Variants in SNX6 observed in about 807,000 individuals in gnomAD.
The protein encoded by SNX6 is sorting nexin 6, also known as sorting nexin-6.
SNX6 carries 34 observed loss-of-function variants against 63.0 expected under a neutral mutation model. That is an observed-to-expected ratio of 0.54 (90% CI 0.41 to 0.72). The LOEUF is 0.72. Among genes scored for constraint, SNX6 ranks in the 30% least tolerant of loss-of-function variants. SNX6 has a pLI of 0.00. For synonymous variants in SNX6, 170 were observed against 164.2 expected (o/e 1.04, Z -0.27); for missense variants, 398 against 471.4 (o/e 0.84, Z 1.44).
chr14:34,606,109 G>T, intron 4 of SNX6, among the ~76,000 whole-genome samples: 1 of 151,764 alleles, frequency 6.6e-6, no homozygotes, highest in African/African-American at 2.4e-5. Flanking sequence ...GGGAGTCGGA[G>T]GTTGCAGTGA....
At chr14:34,625,705 C>T (rs918616685) in intron 2 of SNX6, among the ~76,000 whole-genome samples, 3 of 151,786 alleles carry the variant, frequency 2.0e-5, no homozygotes, top group Non-Finnish European at 4.4e-5. Context: ...TGCACCCCAG[C>T]GTGGGCAACA....
chr14:34,617,231 C>T (rs61488898), intron 2 of SNX6, among the ~76,000 whole-genome samples: 11,288 of 151,994 alleles, frequency 0.074, 888 homozygotes, highest in African/African-American at 0.2. Context: ...ACATGTGTGT[C>T]GCTGGTCAAG....
chr14:34,627,639 G>A (rs147136432), intron 2 of SNX6, among the ~76,000 whole-genome samples: 3,144 of 152,078 alleles, frequency 0.021, 104 homozygotes, highest in African/African-American at 0.068. Context: ...ACAGGCATGC[G>A]CCACCATGCC....
intron 2 of SNX6, among the ~76,000 whole-genome samples, chr14:34,623,778 G>A (rs1594753124): frequency 6.6e-6 from 1 of 152,284 alleles, no homozygotes; most frequent in African/African-American, 2.4e-5. Flanking sequence ...GTAGGAGCAA[G>A]GCTACGAGTA....
rs1417222312 is a variant in SNX6 at position 34,608,014 on chromosome 14, G to A, written c.270+16C>T. ...CCTCCTAGAAAATGGAATTAAAATG[G>A]AGTCTCAATACTTACGATATAACCT... On this transcript the variant is annotated intron_variant, in intron 4 of 13. Transcript: ENST00000362031. 1 of 1,276,332 alleles carries A rather than the reference G, an allele frequency of 7.8e-7. No individual in the cohort carries two copies. Among genetic ancestry groups the A allele is most frequent in the Admixed American group, 2.2e-5 (1 of 46,334 alleles). 79.1% of individuals were successfully genotyped at this position (1,276,332 alleles called of 1,614,324 possible).
At chr14:34,605,104 C>A (rs766852487) in intron 5 of SNX6, among the ~76,000 whole-genome samples, 2 of 151,996 alleles carry the variant, frequency 1.3e-5, no homozygotes, top group Admixed American at 1.3e-4. Context: ...TACATACATA[C>A]GCAGTTTTTA....
At chr14:34,582,826 A>T (rs1881996787) in intron 9 of SNX6, among the ~76,000 whole-genome samples, 1 of 149,536 alleles carries the variant, frequency 6.7e-6, no homozygotes, top group Non-Finnish European at 1.5e-5. Context: ...TACAGGCATG[A>T]GTCACTGTGC....
chr14:34,616,121 A>C (rs567132225), intron 2 of SNX6, among the ~76,000 whole-genome samples: 59 of 151,930 alleles, frequency 3.9e-4, no homozygotes, highest in Non-Finnish European at 6.8e-4. Flanking sequence ...ACACCCAGCT[A>C]ATTTTTGTAT....
chr14:34,621,212 G>T (rs1883609755), intron 2 of SNX6, among the ~76,000 whole-genome samples: 1 of 152,064 alleles, frequency 6.6e-6, no homozygotes, highest in African/African-American at 2.4e-5. Context: ...CTCTCAGAGT[G>T]CTAGGATTAT....
intron 13 of SNX6, among the ~76,000 whole-genome samples, chr14:34,564,556 G>A (rs564591675): frequency 1.4e-4 from 21 of 152,116 alleles, no homozygotes; most frequent in Admixed American, 4.6e-4. Flanking sequence ...GGCCAGGCGC[G>A]GTGGTTCACG....
intron 2 of SNX6, among the ~76,000 whole-genome samples, chr14:34,615,586 A>C (rs1883387648): frequency 3.9e-5 from 6 of 152,168 alleles, no homozygotes; most frequent in Admixed American, 3.9e-4. Flanking sequence ...AAGAGCTATT[A>C]ACTCAATCTA....
At chr14:34,565,319 T>C (rs1012484130) in intron 13 of SNX6, among the ~76,000 whole-genome samples, 8 of 151,850 alleles carry the variant, frequency 5.3e-5, no homozygotes, top group East Asian at 1.9e-4. Flanking sequence ...CCTCGTGATC[T>C]GCCCGCCTTG....
chr14:34,626,409 C>T (rs1030257653), intron 2 of SNX6, among the ~76,000 whole-genome samples: 2 of 151,592 alleles, frequency 1.3e-5, no homozygotes, highest in African/African-American at 4.9e-5. Context: ...AATTCCAGCA[C>T]TTTGGGAGGC....
chr14:34,604,066 A>AC, intron 5 of SNX6: 1 of 1,122,426 alleles, frequency 8.9e-7, no homozygotes, highest in African/African-American at 1.6e-5. Context: ...AAAAAAAAAA[A>AC]AAAACATTCA....
intron 2 of SNX6, among the ~76,000 whole-genome samples, chr14:34,622,569 CAAAAA>C (rs35554563): frequency 4.0e-5 from 4 of 99,704 alleles, no homozygotes; most frequent in Non-Finnish European, 2.0e-5. Flanking sequence ...GGCAATAGAG[CAAAAA>C]AAAAAAAAAA....
At chr14:34,619,400 T>C (rs1883542022) in intron 2 of SNX6, among the ~76,000 whole-genome samples, 1 of 151,456 alleles carries the variant, frequency 6.6e-6, no homozygotes, top group African/African-American at 2.4e-5. Context: ...CCAGCCTCGG[T>C]AACAGAACAC....
At chr14:34,565,479 C>A (rs1323874129) in intron 13 of SNX6, among the ~76,000 whole-genome samples, 1 of 152,094 alleles carries the variant, frequency 6.6e-6, no homozygotes, top group African/African-American at 2.4e-5. Flanking sequence ...AGTTTACCAA[C>A]CCCTGATCTA....
At chr14:34,593,003 T>C (rs748471480) in intron 8 of SNX6, 42 bp downstream of exon 8, 1 of 1,278,716 alleles carries the variant, frequency 7.8e-7, no homozygotes, top group South Asian at 1.3e-5. Flanking sequence ...TTTATAATTA[T>C]TCCATTAAAA....
chr14:34,622,136 AT>A (rs958510632), intron 2 of SNX6, among the ~76,000 whole-genome samples: 2 of 149,402 alleles, frequency 1.3e-5, no homozygotes, highest in Non-Finnish European at 3.0e-5. Context: ...TTTTTTTTGT[AT>A]TTTTAGTACA....
Sources: gnomAD v4.1 joint callset for allele counts (sites outside exome capture counted in the v4.1 genomes callset) on GRCh38, gnomAD v4.1.1 for gene constraint, MANE v1.5 for transcripts, NCBI Gene and HGNC (gene_info 2026-07-23, HGNC 2026-07-21) for gene names.